RP1: variants seen among roughly 807,000 people sequenced by gnomAD.
RP1 encodes the protein oxygen-regulated protein 1.
Under a neutral mutation model 14.8 loss-of-function variants are expected in RP1, and 16 were observed. That is an observed-to-expected ratio of 1.08 (90% confidence interval 0.73 to 1.65). The LOEUF (loss-of-function observed/expected upper bound fraction) is 1.65, where lower values mean the gene tolerates loss of function less well. RP1 is among the 40% of genes most tolerant of loss of function. RP1 has a pLI of 0.00. For synonymous variants in RP1, 876 were observed against 883.6 expected, an observed-to-expected ratio of 0.99 and a Z score of 0.15; for missense variants, 2,631 against 2,535.0, an observed-to-expected ratio of 1.04 and a Z score of -0.81.
intron 24 of RP1, among the ~76,000 whole-genome samples, chr8:54,798,600 A>G (rs1466408137): frequency 1.3e-5 from 2 of 152,218 alleles, no homozygotes; most frequent in Non-Finnish European, 2.9e-5. Flanking sequence ...TTCAGGCATA[A>G]GACAACAGAG....
chr8:54,808,609 G>A (rs975167975), intron 24 of RP1, among the ~76,000 whole-genome samples: 23 of 152,174 alleles, frequency 1.5e-4, no homozygotes, highest in African/African-American at 4.3e-4. Context: ...TGTGAGCAAA[G>A]CTCCCCTTCC....
At chr8:54,814,137 A>G (rs1044757933) in intron 24 of RP1, among the ~76,000 whole-genome samples, 18 of 152,238 alleles carry the variant, frequency 1.2e-4, no homozygotes, top group African/African-American at 4.1e-4. Context: ...GTATTAAACC[A>G]GATAAATTTT....
At chr8:54,697,275 C>A in intron 12 of RP1, 2 of 573,852 alleles carry the variant, frequency 3.5e-6, no homozygotes, top group South Asian at 4.0e-5. Context: ...CAGTACCTGG[C>A]CGGGCGTGAT....
At chr8:54,844,805 C>A (rs761434404) in intron 25 of RP1, among the ~76,000 whole-genome samples, 2 of 152,146 alleles carry the variant, frequency 1.3e-5, no homozygotes, top group Non-Finnish European at 2.9e-5. Context: ...GAGAATATTT[C>A]CCGAGCAGAT....
At chr8:54,844,274 A>G (rs1811862128) in intron 25 of RP1, among the ~76,000 whole-genome samples, 1 of 152,320 alleles carries the variant, frequency 6.6e-6, no homozygotes, top group Non-Finnish European at 1.5e-5. Flanking sequence ...AGCTCAATTT[A>G]TTTATTTATG....
chr8:54,587,454 G>C (rs888486247), intron 1 of RP1, among the ~76,000 whole-genome samples: 1 of 151,190 alleles, frequency 6.6e-6, no homozygotes, highest in Non-Finnish European at 1.5e-5. Flanking sequence ...GAGAGAGAGA[G>C]CATGTCCATT....
chr8:54,699,876 A>T (rs1328478125), intron 13 of RP1, among the ~76,000 whole-genome samples: 2 of 152,190 alleles, frequency 1.3e-5, no homozygotes, highest in South Asian at 2.1e-4. Context: ...AAAAACAATA[A>T]TTTTTTATAG....
At chr8:54,590,647 T>C (rs1257508741) in intron 1 of RP1, among the ~76,000 whole-genome samples, 1 of 152,204 alleles carries the variant, frequency 6.6e-6, no homozygotes, top group African/African-American at 2.4e-5. Flanking sequence ...TCTTTCGTTT[T>C]TAAATTCTCT....
At chr8:54,651,614 T>C (rs539926421) in intron 4 of RP1, among the ~76,000 whole-genome samples, 16 of 152,318 alleles carry the variant, frequency 1.1e-4, no homozygotes, top group African/African-American at 3.8e-4. Context: ...GCAATGTCTC[T>C]ACTTTTATTT....
intron 18 of RP1, among the ~76,000 whole-genome samples, chr8:54,736,463 T>TA (rs1808924188): frequency 6.6e-6 from 1 of 152,132 alleles, no homozygotes; most frequent in Non-Finnish European, 1.5e-5. Context: ...ACAAGGTGGG[T>TA]AATAATACTC....
At chr8:54,762,881 G>A (rs139468670) in intron 22 of RP1, among the ~76,000 whole-genome samples, 65 of 152,192 alleles carry the variant, frequency 4.3e-4, no homozygotes, top group African/African-American at 1.4e-3. Flanking sequence ...CCTCTGCTCC[G>A]TTGTCACATG....
chr8:54,782,376 G>A (rs1810209467), intron 23 of RP1, among the ~76,000 whole-genome samples: 1 of 152,202 alleles, frequency 6.6e-6, no homozygotes, highest in Non-Finnish European at 1.5e-5. Context: ...TGATGTTTAT[G>A]TATATACAGA....
intron 26 of RP1, among the ~76,000 whole-genome samples, chr8:54,853,262 T>C (rs1263383671): frequency 1.3e-5 from 2 of 152,136 alleles, no homozygotes; most frequent in African/African-American, 4.8e-5. Context: ...GTGGCGATAG[T>C]GTGAGTCCTC....
intron 3 of RP1, among the ~76,000 whole-genome samples, chr8:54,648,518 C>A: frequency 6.6e-6 from 1 of 151,818 alleles, no homozygotes; most frequent in East Asian, 1.9e-4. Context: ...TTCTACTCAC[C>A]CAATTCCAGT....
At chr8:54,786,234 C>T (rs1406953189) in intron 24 of RP1, among the ~76,000 whole-genome samples, 1 of 152,058 alleles carries the variant, frequency 6.6e-6, no homozygotes, top group African/African-American at 2.4e-5. Context: ...TCTTAATTTG[C>T]ATATGCAAGT....
At chr8:54,599,014 T>C (rs1805210548) in intron 1 of RP1, among the ~76,000 whole-genome samples, 1 of 152,236 alleles carries the variant, frequency 6.6e-6, no homozygotes, top group Admixed American at 6.5e-5. Flanking sequence ...TTGTTTTTGC[T>C]AAATAAGTTT....
chr8:54,778,236 A>C (rs1396315784), intron 23 of RP1, among the ~76,000 whole-genome samples: 1 of 151,886 alleles, frequency 6.6e-6, no homozygotes, highest in African/African-American at 2.4e-5. Flanking sequence ...CCAAATGTTG[A>C]AGTGTGCCAG....
intron 24 of RP1, among the ~76,000 whole-genome samples, chr8:54,834,204 A>G (rs1329077124): frequency 1.3e-5 from 2 of 152,076 alleles, no homozygotes. Context: ...AGAATTATTT[A>G]GAGCTAGTAG....
chr8:54,702,972 C>T (rs1808060966), intron 14 of RP1, among the ~76,000 whole-genome samples: 1 of 152,238 alleles, frequency 6.6e-6, no homozygotes, highest in Non-Finnish European at 1.5e-5. Flanking sequence ...TCAAGCTCCA[C>T]TTCTCATTCT....
Sources: allele counts gnomAD v4.1 joint callset (sites outside exome capture counted in the v4.1 genomes callset), GRCh38; gene constraint gnomAD v4.1.1; transcripts MANE v1.5; gene names NCBI Gene and HGNC (gene_info 2026-07-23, HGNC 2026-07-21).